OPRM1: variants seen among roughly 807,000 people sequenced by gnomAD.
OPRM1 encodes the protein opioid receptor mu 1.
OPRM1 carries 27 observed loss-of-function variants against 31.8 expected under a neutral mutation model. That is an observed-to-expected ratio of 0.85 (90% confidence interval 0.63 to 1.17). The LOEUF is 1.17. OPRM1 is among the 50% of genes most tolerant of loss of function. The pLI, the probability that OPRM1 is intolerant of heterozygous loss-of-function variation, is 0.00. For synonymous variants in OPRM1, 196 were observed against 189.9 expected (o/e 1.03, Z -0.26); for missense variants, 536 against 511.1 (o/e 1.05, Z -0.47).
chr6:154,163,054 C>A (rs1799152210), intron 3 of OPRM1, among the ~76,000 whole-genome samples: 1 of 152,176 alleles, frequency 6.6e-6, no homozygotes, highest in African/African-American at 2.4e-5. Flanking sequence ...AATCCACCAG[C>A]AAAGGCTGAT....
chr6:154,110,942 G>A (rs1796297614), intron 3 of OPRM1, among the ~76,000 whole-genome samples: 1 of 144,398 alleles, frequency 6.9e-6, no homozygotes, highest in Non-Finnish European at 1.5e-5. Flanking sequence ...GGGTTTGACT[G>A]ATTACACCAT....
At chr6:154,036,756 A>G (rs2128390903), upstream of OPRM1, among the ~76,000 whole-genome samples, 1 of 152,016 alleles carries the variant, frequency 6.6e-6, no homozygotes, top group Middle Eastern at 3.4e-3. Flanking sequence ...ATTATTTATC[A>G]CCCAGATTGC....
intron 3 of OPRM1, among the ~76,000 whole-genome samples, chr6:154,194,518 A>C (rs1324451044): frequency 9.2e-5 from 14 of 152,044 alleles, no homozygotes; most frequent in Non-Finnish European, 1.9e-4. Flanking sequence ...TATGACCTCC[A>C]ACTCCTCAAC....
intron 3 of OPRM1, among the ~76,000 whole-genome samples, chr6:154,180,180 G>A (rs543287450): frequency 6.6e-6 from 1 of 152,120 alleles, no homozygotes; most frequent in South Asian, 2.1e-4. Context: ...CAAAATCCCT[G>A]CTTAAAAGTG....
chr6:154,038,103 G>A (rs1779425882), upstream of OPRM1, among the ~76,000 whole-genome samples: 1 of 152,104 alleles, frequency 6.6e-6, no homozygotes, highest in Non-Finnish European at 1.5e-5. Flanking sequence ...GATTAATAGA[G>A]TTTACCTATG....
intron 3 of OPRM1, among the ~76,000 whole-genome samples, chr6:154,148,969 T>A (rs1227858710): frequency 6.6e-6 from 1 of 152,220 alleles, no homozygotes; most frequent in Non-Finnish European, 1.5e-5. Flanking sequence ...GGCCCCTGTA[T>A]ACAATTTTTC....
chr6:154,181,244 A>G (rs1285300286), intron 3 of OPRM1, among the ~76,000 whole-genome samples: 1 of 152,230 alleles, frequency 6.6e-6, no homozygotes, highest in Non-Finnish European at 1.5e-5. Flanking sequence ...CAACATTGGC[A>G]TAGTATAATT....
Position 154,118,745 on chromosome 6 carries a change from T to C in OPRM1, c.*24T>C. 8 of 1,612,434 alleles carry C rather than the reference T, an allele frequency of 5.0e-6. No individual in the cohort carries two copies. Among genetic ancestry groups the C allele is most frequent in the Non-Finnish European group, 6.8e-6 (8 of 1,179,386 alleles). On this transcript the variant is annotated 3_prime_UTR_variant, in exon 4 of 4. Coordinates refer to ENST00000330432, the MANE Select transcript of OPRM1 (RefSeq NM_000914.5). Reference sequence around the variant, plus strand: ...AACAGGGTCTCATGCCATTCCGACCTTCACCAAGCTTAGAAGCCACCATGT... The same window carrying C: ...AACAGGGTCTCATGCCATTCCGACCCTCACCAAGCTTAGAAGCCACCATGT...
At chr6:154,102,309 A>C (rs896359921) in intron 3 of OPRM1, among the ~76,000 whole-genome samples, 1 of 152,088 alleles carries the variant, frequency 6.6e-6, no homozygotes, top group African/African-American at 2.4e-5. Context: ...GCATTTCCTC[A>C]TCTGTAAGAA....
intron 1 of OPRM1, among the ~76,000 whole-genome samples, chr6:154,055,547 A>G (rs1783104061): frequency 1.3e-5 from 2 of 152,146 alleles, no homozygotes; most frequent in Non-Finnish European, 2.9e-5. Flanking sequence ...ATTATCCATT[A>G]TAATATTTCT....
In OPRM1 at chr6:154,126,538, G is replaced by A. The variant is rs1797596476; in HGVS notation, c.*7817G>A. ...TCTTCCCTGGTTCCCTCAGGAGCTG[G>A]GTTTCTGGGTTGCAGAAGTGCTTTT... On this transcript the variant is annotated 3_prime_UTR_variant, in exon 4 of 4. Coordinates refer to ENST00000330432, the MANE Select transcript of OPRM1 (RefSeq NM_000914.5). Among the ~76,000 whole-genome samples the A allele has an allele frequency of 1.3e-5, 2 of 152,158 alleles. No homozygotes were observed. Among genetic ancestry groups the A allele is most frequent in the Non-Finnish European group, 2.9e-5 (2 of 68,022 alleles).
intron 3 of OPRM1, chr6:154,159,376 A>G (rs188251059): frequency 5.8e-6 from 1 of 171,050 alleles, no homozygotes; most frequent in Admixed American, 6.4e-5. Context: ...TCTAGAAAAC[A>G]TTCCTCCACT....
At chr6:154,159,466 T>C (rs1798845221) in intron 3 of OPRM1, 1 of 233,952 alleles carries the variant, frequency 4.3e-6, no homozygotes, top group Non-Finnish European at 8.2e-6. Context: ...AATGTTTCCA[T>C]GGGCAATTAC....
chr6:154,143,090 TA>T (rs568544765), intron 3 of OPRM1, among the ~76,000 whole-genome samples: 193 of 152,232 alleles, frequency 1.3e-3, no homozygotes, highest in African/African-American at 4.5e-3. Context: ...AATATATATA[TA>T]AAAAAAGGTC....
At chr6:154,223,725 G>T (rs911345335) in intron 3 of OPRM1, among the ~76,000 whole-genome samples, 2 of 152,190 alleles carry the variant, frequency 1.3e-5, no homozygotes, top group African/African-American at 4.8e-5. Context: ...CCACTTACTG[G>T]TTGTTGTGAC....
intron 1 of OPRM1, among the ~76,000 whole-genome samples, chr6:154,023,883 A>G (rs979438405): frequency 1.3e-5 from 2 of 152,092 alleles, no homozygotes; most frequent in African/African-American, 4.8e-5. Flanking sequence ...AATCCCAGGG[A>G]TAAATCCCAC....
chr6:154,183,809 G>A (rs542189179), intron 3 of OPRM1, among the ~76,000 whole-genome samples: 2 of 152,172 alleles, frequency 1.3e-5, no homozygotes, highest in South Asian at 4.2e-4. Context: ...AGAATCACTT[G>A]AACCCAGGAG....
chr6:154,175,831 C>A (rs1456572481), intron 3 of OPRM1, among the ~76,000 whole-genome samples: 2 of 152,136 alleles, frequency 1.3e-5, no homozygotes, highest in African/African-American at 4.8e-5. Flanking sequence ...ATGAGGCCAG[C>A]ATCATCCTGA....
intron 1 of OPRM1, among the ~76,000 whole-genome samples, chr6:154,023,705 A>T (rs973974998): frequency 6.6e-6 from 1 of 152,058 alleles, no homozygotes; most frequent in African/African-American, 2.4e-5. Flanking sequence ...AGCTTTTATT[A>T]TGTCGAGGTA....
Sources: gnomAD v4.1 joint callset for allele counts (sites outside exome capture counted in the v4.1 genomes callset) on GRCh38, gnomAD v4.1.1 for gene constraint, MANE v1.5 for transcripts, NCBI Gene and HGNC (gene_info 2026-07-23, HGNC 2026-07-21) for gene names.